The following GTPBP6 variants were observed in gnomAD, a reference collection of about 807,000 sequenced individuals.
The protein encoded by GTPBP6 is GTP binding protein 6, also known as putative GTP-binding protein 6.
Under a neutral mutation model 28.9 loss-of-function variants are expected in GTPBP6, and 33 were observed. The ratio of observed to expected loss-of-function variants is 1.14; its 90% CI spans 0.87 to 1.53. The LOEUF is 1.53. GTPBP6 is among the 40% of genes most tolerant of loss of function. The probability of loss-of-function intolerance (pLI) is 0.00; values close to 1 mark genes in which losing one functional copy is unlikely to be tolerated. For missense variants in GTPBP6, 507 were observed against 408.3 expected (o/e 1.24, Z -2.08); for synonymous variants, 231 against 192.7 (o/e 1.20, Z -1.65).
chrX:305,439 A>G (rs1426730634), intron 9 of GTPBP6, among the ~76,000 whole-genome samples: 5 of 149,904 alleles, frequency 3.3e-5, no homozygotes, highest in Non-Finnish European at 5.9e-5. Flanking sequence ...CTCCTGCCTC[A>G]GCCTCCCGAG....
At chrX:312,563 G>A (rs779254888) in intron 6 of GTPBP6, 3 of 707,744 alleles carry the variant, frequency 4.2e-6, no homozygotes, top group Non-Finnish European at 7.7e-6. Context: ...AGAGACCACA[G>A]GAAACCCGTC....
At position 312,027 on chromosome X, in the gene GTPBP6, G is replaced by T. The variant is rs1214232794; in HGVS notation, c.917-400C>A. 6.2e-6 allele frequency: 3 copies of T among 485,744 alleles called. No homozygotes were observed. The Admixed American group carries it at 7.6e-5, about 12-fold the overall frequency. The allele number at this position is 485,744 out of a possible 1,614,324, so 30.1% of individuals were successfully genotyped here. On this transcript the variant is annotated intron_variant, in intron 6 of 9. Coordinates refer to ENST00000326153, the Ensembl canonical transcript of GTPBP6. ...GTGATGGTGTAGATGGGTGGATATA[G>T]ATACGGCAGTGGTGCCGGTGTTGAC...
At chrX:313,956 G>A (rs755325615) in intron 5 of GTPBP6, among the ~76,000 whole-genome samples, 194 bp downstream of exon 5, 8 of 152,288 alleles carry the variant, frequency 5.3e-5, no homozygotes, top group South Asian at 4.1e-4. Flanking sequence ...GCTACCAGAC[G>A]GAGCCCCCAG....
chrX:317,696 AC>A (rs2070463851), intron 1 of GTPBP6, among the ~76,000 whole-genome samples: 1 of 6,392 alleles, frequency 1.6e-4, no homozygotes, highest in Non-Finnish European at 3.3e-4. Flanking sequence ...GGCCCACCCA[AC>A]CCCACCCCAC....
chrX:307,257 C>G (rs139614806), intron 9 of GTPBP6, 103 bp downstream of exon 9: 1 of 1,046,976 alleles, frequency 9.6e-7, no homozygotes, highest in South Asian at 1.5e-5. Context: ...CTAAAGCTCT[C>G]GGGGATCTCA....
chrX:305,292 A>G (rs1488134093), intron 9 of GTPBP6, 95 bp from the exon 10 acceptor site: 2 of 1,000,132 alleles, frequency 2.0e-6, no homozygotes, highest in Admixed American at 3.9e-5. Context: ...AGCTTAGCTC[A>G]AACCATTCAT....
chrX:308,615 G>A lies in GTPBP6; in HGVS notation c.1126-735C>T, dbSNP rs537608765. Among the ~76,000 whole-genome samples, 54 of 152,000 alleles carry A rather than the reference G, an allele frequency of 3.6e-4. No homozygotes were observed. In the South Asian group the frequency reaches 0.01, roughly 29 times the overall value. ...GGATCACTTGAGCCCAGGAGGTCGA[G>A]GCTGCAGTGAGCCGAGATCATACCA... On this transcript the variant is annotated intron_variant, in intron 7 of 9. Transcript: ENST00000326153.
intron 5 of GTPBP6, among the ~76,000 whole-genome samples, chrX:313,735 G>A (rs757877703): frequency 4.3e-4 from 64 of 150,148 alleles, no homozygotes; most frequent in African/African-American, 9.3e-4. Flanking sequence ...GGAGTGACGC[G>A]GCCACAAACC....
At position 314,048 on chromosome X, in the gene GTPBP6, T is replaced by G. The variant is rs9652799; in HGVS notation, c.757+102A>C. ...GCTACCAGGAGACGGAGACCCCAGC[T>G]GGACCCCACCCTGTTGGAATCTTCC... On this transcript the variant is annotated intron_variant, in intron 5 of 9. Transcript: ENST00000326153. 80 of 536,142 alleles carry G rather than the reference T, an allele frequency of 1.5e-4. No homozygotes were observed. In the African/African-American group the frequency reaches 1.9e-3, roughly 13 times the overall value. 33.2% of individuals were successfully genotyped at this position (536,142 alleles called of 1,614,324 possible). A position where few individuals can be genotyped will look rare whatever the true frequency, so the allele number is the denominator to read the frequency against.
intron 2 of GTPBP6, among the ~76,000 whole-genome samples, chrX:316,375 C>G: frequency 7.7e-6 from 1 of 129,876 alleles, no homozygotes; most frequent in East Asian, 2.4e-4. Flanking sequence ...AGGGTGAACA[C>G]ATCCCAGCAG....
chrX:318,011 G>A (rs1367165552), intron 1 of GTPBP6, among the ~76,000 whole-genome samples: 4 of 118,438 alleles, frequency 3.4e-5, no homozygotes, highest in African/African-American at 6.7e-5. Context: ...GCCACGCCCT[G>A]GCATCTCCAA....
At chrX:312,903 T>G in exon 6 of GTPBP6, 2 of 1,612,380 alleles carry the variant, frequency 1.2e-6, no homozygotes, top group Non-Finnish European at 1.7e-6. Context: ...GAGACGCTGC[T>G]GCAGCTGCAT....
Position 306,052 on chromosome X carries a change from C to T in GTPBP6, c.1428-855G>A, listed in dbSNP as rs182720790. Among the ~76,000 whole-genome samples, 11 of 152,364 alleles carry T rather than the reference C, an allele frequency of 7.2e-5. No homozygotes were observed. In the East Asian group the frequency reaches 1.4e-3, roughly 19 times the overall value. The stretch of plus-strand genomic sequence containing the variant: ...GTCTTGGGGTTACAGGCCTGTGCCA[C>T]GGCATCCAGCTGGAGCTTGCTTTCT... On this transcript the variant is annotated intron_variant, in intron 9 of 9. Transcript: ENST00000326153.
At chrX:314,764 C>A in intron 4 of GTPBP6, 126 bp downstream of exon 4, 1 of 412,144 alleles carries the variant, frequency 2.4e-6, no homozygotes, top group South Asian at 1.0e-4. Context: ...GCGTGAGCCA[C>A]CGCGCCCGGC....
intron 8 of GTPBP6, 75 bp downstream of exon 8, chrX:307,657 G>C: frequency 1.4e-6 from 2 of 1,432,086 alleles, no homozygotes; most frequent in African/African-American, 1.4e-5. Context: ...CACACGAGGA[G>C]ACGGGGCATC....
intron 7 of GTPBP6, among the ~76,000 whole-genome samples, chrX:309,108 C>T (rs568901585): frequency 1.3e-5 from 2 of 152,090 alleles, no homozygotes; most frequent in African/African-American, 2.4e-5. Flanking sequence ...AGGTGGCAGC[C>T]GCGTCCGTTC....
chrX:314,337 T>A, intron 4 of GTPBP6, 120 bp from the exon 5 acceptor site: 1 of 820,214 alleles, frequency 1.2e-6, no homozygotes, highest in Non-Finnish European at 2.1e-6. Flanking sequence ...GGAGCCGCTG[T>A]TGCGGCCCCG....
intron 6 of GTPBP6, 156 bp from the exon 7 acceptor site, chrX:311,783 C>T: frequency 1.5e-6 from 1 of 654,864 alleles, no homozygotes; most frequent in East Asian, 2.7e-5. Flanking sequence ...CGGGCCAGAC[C>T]CGACGCGTGG....
rs1569350018 is a variant in GTPBP6 at position 311,240 on chromosome X, T to TGGCTTTGTGTGTGTCTGAGTGCCTGGC, written c.1125+178_1125+179insGCCAGGCACTCAGACACACACAAAGCC. On this transcript the variant is annotated intron_variant, in intron 7 of 9. Transcript: ENST00000326153. ...GCTTTGTGTGTGTCTGAGTGCCTGG[T>TGGCTTTGTGTGTGTCTGAGTGCCTGGC]CCCCGTGCCCAGTGGGTGTCCGAGG... Among the ~76,000 whole-genome samples the TGGCTTTGTGTGTGTCTGAGTGCCTGGC allele has an allele frequency of 1.0e-3, 136 of 135,808 alleles. 10 individuals are homozygous for TGGCTTTGTGTGTGTCTGAGTGCCTGGC. Among genetic ancestry groups the TGGCTTTGTGTGTGTCTGAGTGCCTGGC allele is most frequent in the African/African-American group, 4.2e-3 (131 of 31,354 alleles). 89.1% of individuals were successfully genotyped at this position (135,808 alleles called of 152,430 possible).
Sources: allele counts gnomAD v4.1 joint callset (sites outside exome capture counted in the v4.1 genomes callset), GRCh38; gene constraint gnomAD v4.1.1; transcripts MANE v1.5; gene names NCBI Gene and HGNC (gene_info 2026-07-23, HGNC 2026-07-21).